TRIM50: variants seen among roughly 807,000 people sequenced by gnomAD.
The protein encoded by TRIM50 is E3 ubiquitin-protein ligase TRIM50.
Under a neutral mutation model 44.9 loss-of-function variants are expected in TRIM50, and 34 were observed. The observed-to-expected ratio is 0.76, with a 90% CI of 0.58 to 1.01. The LOEUF (loss-of-function observed/expected upper bound fraction) is 1.01, where lower values mean the gene tolerates loss of function less well. TRIM50 is among the 50% of genes least tolerant of loss of function. The pLI is 0.00. For missense variants in TRIM50, 633 were observed against 663.7 expected (o/e 0.95, Z 0.51); for synonymous variants, 307 against 291.1 (o/e 1.05, Z -0.56).
chr7:73,319,134 C>A, intron 3 of TRIM50, 82 bp from the exon 4 acceptor site: 1 of 1,606,346 alleles, frequency 6.2e-7, no homozygotes, highest in East Asian at 2.2e-5. Context: ...TCCCCAGGGC[C>A]TTCCTGACCG....
chr7:73,318,835 T>C lies in TRIM50; in HGVS notation c.713A>G (p.His238Arg). The C allele has an allele frequency of 1.2e-6, 2 of 1,613,980 alleles. No individual in the cohort carries two copies. The highest frequency in any genetic ancestry group is 8.5e-7 in the Non-Finnish European group (1 of 1,179,872). The part of the protein sequence containing the change: ...VLEQFGNEDH[H>R]KFIRKFHSMA... Reference sequence around the variant, plus strand: ...CTGTCCACTCACCCGGATGAACTTGTGGTGGTCCTCATTGCCGAACTGTTC... The same window carrying C: ...CTGTCCACTCACCCGGATGAACTTGCGGTGGTCCTCATTGCCGAACTGTTC... Residue 238 changes from histidine to arginine, a missense_variant, in exon 4 of 7, where the codon CAC becomes CGC. By Grantham distance (29) the His-to-Arg change is conservative. Transcript: ENST00000333149.
In TRIM50 at chr7:73,313,844, G is replaced by A. The variant is rs797035072; in HGVS notation, c.875-334C>T. Among the ~76,000 whole-genome samples, 9 of 152,290 alleles carry A rather than the reference G, an allele frequency of 5.9e-5. No individual in the cohort carries two copies. Among genetic ancestry groups the A allele is most frequent in the African/African-American group, 2.2e-4 (9 of 41,572 alleles). ...GGAGAAAGAAATGGACACTGGGCTC[G>A]GGGTTCTGGCCTGCCTGCCTGACAC... On this transcript the variant is annotated intron_variant, in intron 6 of 6. Coordinates refer to ENST00000333149, the MANE Select transcript of TRIM50 (RefSeq NM_178125.3). This position sits in a 1 kb window ranked among gnomAD's most constrained non-coding sequence, Gnocchi z 4.9.
At chr7:73,320,606 G>C (rs1227106312) in intron 2 of TRIM50, among the ~76,000 whole-genome samples, 1 of 152,106 alleles carries the variant, frequency 6.6e-6, no homozygotes, top group Non-Finnish European at 1.5e-5. Flanking sequence ...GCTAAGGCAC[G>C]AGAATCGCTT....
chr7:73,319,033 C>T lies in TRIM50; in HGVS notation c.515G>A (p.Ser172Asn). The T allele has an allele frequency of 6.2e-7, 1 of 1,614,004 alleles. No individual in the cohort carries two copies. The highest frequency in any genetic ancestry group is 8.5e-7 in the Non-Finnish European group (1 of 1,179,866). ...TRIVNESDVF[S>N]WVIRREFQEL... ...CTGGAACTCGCGGCGGATCACCCAGCTGAAGACATCCGACTCATTCTGGGA... is the reference window on the plus strand; with the variant it reads ...CTGGAACTCGCGGCGGATCACCCAGTTGAAGACATCCGACTCATTCTGGGA... The change falls in exon 4 of 7, where the codon AGC (serine) becomes AAC (asparagine). Residue 172 changes from serine to asparagine, a missense_variant. Coordinates refer to ENST00000333149, the MANE Select transcript of TRIM50 (RefSeq NM_178125.3).
chr7:73,320,174 T>C lies in TRIM50; in HGVS notation c.468A>G (p.Lys156=). The C allele has an allele frequency of 6.2e-7, 1 of 1,613,980 alleles. No homozygotes were observed. Among genetic ancestry groups the C allele is most frequent in the Non-Finnish European group, 8.5e-7 (1 of 1,179,864 alleles). Residue 156 remains lysine (K), a synonymous_variant, in exon 3 of 7, where the codon AAA becomes AAG. Coordinates refer to ENST00000333149, the MANE Select transcript of TRIM50 (RefSeq NM_178125.3). Reference sequence around the variant, plus strand: ...CGATTCGGGTCCGGTTGTTCACCAGTTTGGCGATGAGCTCATCCACCTTTT... The same window carrying C: ...CGATTCGGGTCCGGTTGTTCACCAGCTTGGCGATGAGCTCATCCACCTTTT... ...EQKKVDELIA[K]LVNNRTRIVN... is the part of the protein sequence containing the mutation.
At chr7:73,322,684 C>G (rs527879610) in intron 2 of TRIM50, among the ~76,000 whole-genome samples, 13 of 152,346 alleles carry the variant, frequency 8.5e-5, no homozygotes, top group African/African-American at 3.1e-4. Context: ...AGGATTCTTT[C>G]TATCCCTTTT....
At chr7:73,318,572 G>T in intron 5 of TRIM50, 115 bp downstream of exon 5, 2 of 1,604,346 alleles carry the variant, frequency 1.2e-6, no homozygotes, top group East Asian at 4.5e-5. Context: ...TATAGAGCCA[G>T]CTGTGGGCAG....
At position 73,324,424 on chromosome 7, in the gene TRIM50, C is replaced by A; in HGVS notation, c.364G>T (p.Val122Phe). The A allele has an allele frequency of 6.2e-7, 1 of 1,613,694 alleles. No homozygotes were observed. Residue 122 changes from valine (V) to phenylalanine (F), a missense_variant, in exon 2 of 7, where the codon GTC becomes TTC. Physicochemically the swap from Val to Phe is conservative, Grantham distance 50. Transcript: ENST00000333149. ...CTGTAGACGGTGGAGACGGGCGTGA[C>A]CGGGTGGTGTTGGTGGGAGCCCAGC... ...GLLGSHQHHP[V>F]TPVSTVYSRM...
intron 2 of TRIM50, among the ~76,000 whole-genome samples, chr7:73,323,287 C>G (rs1468669261): frequency 1.1e-4 from 17 of 152,208 alleles, no homozygotes; most frequent in African/African-American, 3.6e-4. Context: ...CCAGCCGCAG[C>G]TTACCTCGCT....
intron 1 of TRIM50, 134 bp downstream of exon 1, chr7:73,327,766 C>T (rs1272109950): frequency 9.6e-6 from 2 of 209,318 alleles, no homozygotes; most frequent in Non-Finnish European, 2.0e-5. Flanking sequence ...TTCCCCTGTG[C>T]CCTGATGGCC....
intron 6 of TRIM50, chr7:73,314,127 C>T: frequency 2.7e-6 from 1 of 369,082 alleles, no homozygotes; most frequent in South Asian, 2.9e-5. Flanking sequence ...GAAAGAAGGC[C>T]AAGGGGAAGA....
intron 1 of TRIM50, among the ~76,000 whole-genome samples, chr7:73,327,374 C>A (rs1804660855): frequency 6.6e-6 from 1 of 152,136 alleles, no homozygotes; most frequent in African/African-American, 2.4e-5. Context: ...GTAATCCCAG[C>A]TACTCGGGAG....
chr7:73,315,186 G>C (rs1554543839), intron 6 of TRIM50: 1 of 225,918 alleles, frequency 4.4e-6, no homozygotes, highest in Non-Finnish European at 9.2e-6. Flanking sequence ...AAAAGGCAAA[G>C]ACTAAAGAAA....
chr7:73,321,618 G>A (rs1318543087), intron 2 of TRIM50, among the ~76,000 whole-genome samples: 26 of 152,132 alleles, frequency 1.7e-4, no homozygotes, highest in Non-Finnish European at 3.4e-4. Context: ...GGTGCCAACC[G>A]GGACCCCTGG....
Position 73,312,622 on chromosome 7 carries a change from T to C in TRIM50, c.*299A>G. ...AATATGGAAAAGGTATACATGGGAC[T>C]ATTTCTGCCCTCGGAAGCGTCTGCG... On this transcript the variant is annotated 3_prime_UTR_variant, in exon 7 of 7. Transcript: ENST00000333149. The C allele has an allele frequency of 2.4e-6, 1 of 408,898 alleles. No individual in the cohort carries two copies. The highest frequency in any genetic ancestry group is 4.3e-6 in the Non-Finnish European group (1 of 231,112). 25.3% of individuals were successfully genotyped at this position (408,898 alleles called of 1,614,324 possible). A position where few individuals can be genotyped will look rare whatever the true frequency, so the allele number is the denominator to read the frequency against.
At chr7:73,326,195 C>CCT (rs1267229022) in intron 1 of TRIM50, among the ~76,000 whole-genome samples, 161 of 151,314 alleles carry the variant, frequency 1.1e-3, no homozygotes, top group African/African-American at 3.8e-3. Context: ...CCCAGCCTTC[C>CCT]CTCTCTCTCT....
rs782619307 is a variant in TRIM50, at chr7:73,313,196, C to A, written c.1189G>T (p.Ala397Ser). ...IGLKEGRVYE[A>S]FACPRVPLPV... The stretch of plus-strand genomic sequence containing the variant: ...AGGGGTACCCGGGGGCAGGCAAAGG[C>A]TTCGTACACCCGGCCCTCCTTCAGG... The change falls in exon 7 of 7, where the codon GCC becomes TCC. Residue 397 changes from alanine to serine, a missense_variant. Coordinates refer to ENST00000333149, the MANE Select transcript of TRIM50 (RefSeq NM_178125.3). The surrounding 1 kb of genome is among the most constrained non-coding windows in gnomAD (Gnocchi z 4.9). 3 of 1,589,906 alleles carry A rather than the reference C, an allele frequency of 1.9e-6. No individual in the cohort carries two copies. Among genetic ancestry groups the A allele is most frequent in the Non-Finnish European group, 2.6e-6 (3 of 1,168,678 alleles).
At chr7:73,314,235 A>C (rs1554543727) in intron 6 of TRIM50, 2 of 331,008 alleles carry the variant, frequency 6.0e-6, no homozygotes, top group South Asian at 6.5e-5. Context: ...ACTGGACAGG[A>C]CTTCCAGGCC....
intron 1 of TRIM50, among the ~76,000 whole-genome samples, chr7:73,325,119 A>G (rs1190889510): frequency 6.6e-6 from 1 of 151,876 alleles, no homozygotes; most frequent in Non-Finnish European, 1.5e-5. Context: ...ATTTGCAGTG[A>G]CACTAATAAT....
Sources: gnomAD v4.1 joint callset for allele counts (sites outside exome capture counted in the v4.1 genomes callset) on GRCh38, gnomAD v4.1.1 for gene constraint, Gnocchi (gnomAD v3.1) non-coding constraint, MANE v1.5 for transcripts, NCBI Gene and HGNC (gene_info 2026-07-23, HGNC 2026-07-21) for gene names.